The following STARD9 variants were observed in gnomAD, a reference collection of about 807,000 sequenced individuals.
STARD9 encodes StAR related lipid transfer domain containing 9.
STARD9 carries 346 observed loss-of-function variants against 399.8 expected under a neutral mutation model. The observed-to-expected ratio is 0.87, with a 90% CI of 0.79 to 0.95. The LOEUF is 0.95. Ranked by LOEUF, STARD9 falls within the 40% of genes least tolerant of loss-of-function variation. STARD9 has a pLI of 0.00. For missense variants in STARD9, 5,832 were observed against 5,667.5 expected (o/e 1.03, Z -0.93); for synonymous variants, 2,203 against 2,143.5 (o/e 1.03, Z -0.77).
At chr15:42,627,656 G>A (rs913406026) in intron 3 of STARD9, among the ~76,000 whole-genome samples, 52 of 152,084 alleles carry the variant, frequency 3.4e-4, no homozygotes, top group African/African-American at 1.2e-3. Context: ...ATGAGTTCAA[G>A]TGTTTTAATT....
At chr15:42,678,921 G>A (rs920419544) in intron 20 of STARD9, among the ~76,000 whole-genome samples, 3 of 152,230 alleles carry the variant, frequency 2.0e-5, no homozygotes, top group Non-Finnish European at 4.4e-5. Flanking sequence ...CCTCTTGGGT[G>A]AATGTGCTGC....
At chr15:42,645,418 A>G (rs988634439) in intron 7 of STARD9, among the ~76,000 whole-genome samples, 4 of 152,198 alleles carry the variant, frequency 2.6e-5, no homozygotes, top group Admixed American at 2.6e-4. Flanking sequence ...AATGAGCAGT[A>G]ATATTTTGAA....
intron 3 of STARD9, among the ~76,000 whole-genome samples, chr15:42,588,776 GTTTTTTTTTTTTTTTTTTTTTTTTT>G (rs758570571): frequency 7.8e-5 from 3 of 38,382 alleles, no homozygotes; most frequent in African/African-American, 3.6e-4. Context: ...TCTTCACAGC[GTTTTTTTTTTTTTTTTTTTTTTTTT>G]TTTTTTTTTT....
At chr15:42,603,680 T>C (rs2058674103) in intron 3 of STARD9, among the ~76,000 whole-genome samples, 1 of 151,954 alleles carries the variant, frequency 6.6e-6, no homozygotes, top group African/African-American at 2.4e-5. Flanking sequence ...GGCTAGGGAA[T>C]GGGGAATATT....
At chr15:42,717,879 C>T in intron 29 of STARD9, 84 bp downstream of exon 29, 1 of 1,500,206 alleles carries the variant, frequency 6.7e-7, no homozygotes, top group African/African-American at 1.4e-5. Context: ...TTTCCCTTAC[C>T]TGGATTCCTC....
intron 7 of STARD9, among the ~76,000 whole-genome samples, chr15:42,645,801 CA>C: frequency 6.6e-6 from 1 of 152,174 alleles, no homozygotes; most frequent in Middle Eastern, 3.4e-3. Flanking sequence ...CTTGGCCTCC[CA>C]AAGTTCTGGG....
In STARD9 at chr15:42,688,429, G is replaced by GCT; in HGVS notation, c.6852_6853insTC (p.Leu2286AlafsTer8). The GCT allele has an allele frequency of 6.5e-7, 1 of 1,537,696 alleles. No individual in the cohort carries two copies. ...GAAGAAATGCCTATGCAAAGGGGAG[G>GCT]CAGCCTTCAGGAAGAAAATAAAGTG... is the stretch of plus-strand genomic sequence containing the variant. On this transcript the variant is annotated frameshift_variant, in exon 23 of 33. Coordinates refer to ENST00000290607, the MANE Select transcript of STARD9 (RefSeq NM_020759.3). LOFTEE classifies it high-confidence loss of function.
rs1313939153 is a variant in STARD9 at position 42,686,598 on chromosome 15, C to T, written c.5020C>T (p.Pro1674Ser). Residue 1674 changes from proline to serine, a missense_variant, in exon 23 of 33, where the codon CCT becomes TCT. Physicochemically the swap from Pro to Ser is moderately conservative, Grantham distance 74. Around this residue, in one of 2 missense-constraint regions of STARD9, gnomAD observed 5,828 missense variants for 5,651.1 expected, o/e 1.03. Coordinates refer to ENST00000290607, the MANE Select transcript of STARD9 (RefSeq NM_020759.3). ...KADHWSQGWA[P>S]LRKNSAVQPG... Reference sequence around the variant, plus strand: ...AGACCATTGGTCCCAAGGCTGGGCTCCTCTCAGGAAAAATAGTGCAGTCCA... The same window carrying T: ...AGACCATTGGTCCCAAGGCTGGGCTTCTCTCAGGAAAAATAGTGCAGTCCA... 1 of 1,537,398 alleles carries T rather than the reference C, an allele frequency of 6.5e-7. No individual in the cohort carries two copies. The highest frequency in any genetic ancestry group is 8.7e-7 in the Non-Finnish European group (1 of 1,147,000).
chr15:42,636,989 G>A (rs1322224054), intron 4 of STARD9, among the ~76,000 whole-genome samples: 2 of 151,180 alleles, frequency 1.3e-5, no homozygotes, highest in African/African-American at 4.9e-5. Context: ...CCTTGAACTC[G>A]GGAGATGGAG....
At chr15:42,598,457 G>A (rs1275960112) in intron 3 of STARD9, among the ~76,000 whole-genome samples, 1 of 150,526 alleles carries the variant, frequency 6.6e-6, no homozygotes, top group Admixed American at 6.6e-5. Flanking sequence ...TTTTTTCCTG[G>A]CATGGTAATG....
In STARD9 at chr15:42,689,015, G is replaced by A; in HGVS notation, c.7437G>A (p.Leu2479=). 1.3e-6 allele frequency: 2 copies of A among 1,537,340 alleles called. No individual in the cohort carries two copies. Among genetic ancestry groups the A allele is most frequent in the Middle Eastern group, 3.3e-4 (2 of 5,992 alleles). Residue 2479 remains leucine (L), a synonymous_variant, in exon 23 of 33, where the codon CTG becomes CTA. Transcript: ENST00000290607. ...AVQKEIRVSS[L]NKVSSQPEKR... The stretch of plus-strand genomic sequence containing the variant: ...AAAAAGAAATAAGAGTCAGTTCACT[G>A]AACAAGGTCTCTAGCCAGCCTGAAA...
Position 42,686,714 on chromosome 15 carries a change from C to G in STARD9, c.5136C>G (p.His1712Gln). The G allele has an allele frequency of 6.5e-7, 1 of 1,537,710 alleles. No homozygotes were observed. The stretch of plus-strand genomic sequence containing the variant: ...GCTCTAAGGAAGCAGTTAGAAGACA[C>G]ATAAATGTTTCCTTTGCCCTTCCTT... ...QESSKEAVRR[H>Q]INVSFALPSG... Residue 1712 changes from histidine (H) to glutamine (Q), a missense_variant, in exon 23 of 33, where the codon CAC becomes CAG. By Grantham distance (24) the His-to-Gln change is conservative. This residue lies in a region of STARD9 where 5,828 missense variants were observed against 5,651.1 expected (regional missense o/e 1.03). Coordinates refer to ENST00000290607, the MANE Select transcript of STARD9 (RefSeq NM_020759.3).
chr15:42,580,696 C>G (rs2058149622), intron 1 of STARD9, among the ~76,000 whole-genome samples: 1 of 152,138 alleles, frequency 6.6e-6, no homozygotes, highest in African/African-American at 2.4e-5. Flanking sequence ...CCTGTAGTCC[C>G]AGCTACTCAG....
chr15:42,615,546 CAT>C (rs201049061), intron 3 of STARD9, among the ~76,000 whole-genome samples: 2,395 of 150,114 alleles, frequency 0.016, 58 homozygotes, highest in African/African-American at 0.054. Context: ...AAAAACATCC[CAT>C]ATATATATAT....
At chr15:42,629,959 A>G (rs2141894197) in intron 3 of STARD9, 1 of 149,108 alleles carries the variant, frequency 6.7e-6, no homozygotes, top group African/African-American at 2.5e-5. Flanking sequence ...TTGCATCCCT[A>G]GGATAAATTC....
chr15:42,643,828 A>G, intron 7 of STARD9, among the ~76,000 whole-genome samples: 1 of 152,126 alleles, frequency 6.6e-6, no homozygotes, highest in African/African-American at 2.4e-5. Flanking sequence ...CACCAGTTTT[A>G]ATGTGTAGTA....
chr15:42,588,447 G>T (rs1387346363), intron 3 of STARD9, among the ~76,000 whole-genome samples: 1 of 152,172 alleles, frequency 6.6e-6, no homozygotes, highest in Non-Finnish European at 1.5e-5. Flanking sequence ...AGATAAACCA[G>T]TGTCTCCTGA....
intron 10 of STARD9, among the ~76,000 whole-genome samples, chr15:42,661,680 C>G (rs940765182): frequency 2.0e-5 from 3 of 151,966 alleles, no homozygotes; most frequent in Non-Finnish European, 4.4e-5. Context: ...TGGCCTCGCA[C>G]TCCTGGCCTT....
rs2060685793 is a variant in STARD9 at position 42,691,132 on chromosome 15, A to G, written c.9554A>G (p.Asn3185Ser). Residue 3185 changes from asparagine (N) to serine (S), a missense_variant, in exon 23 of 33, where the codon AAT becomes AGT. Asn to Ser is a conservative substitution (Grantham distance 46). This residue lies in a region of STARD9 where 5,828 missense variants were observed against 5,651.1 expected (regional missense o/e 1.03). Transcript: ENST00000290607. ...TTTTCCACTGAGTTGAGGGATCACA[A>G]TCGCTTGGATTCCCAAGCCAAGTTT... The part of the protein sequence containing the change: ...PQFSTELRDH[N>S]RLDSQAKFVA... The G allele has an allele frequency of 2.6e-6, 4 of 1,537,252 alleles. No homozygotes were observed. Among genetic ancestry groups the G allele is most frequent in the Non-Finnish European group, 3.5e-6 (4 of 1,146,882 alleles).
Sources: gnomAD v4.1 joint callset for allele counts (sites outside exome capture counted in the v4.1 genomes callset) on GRCh38, gnomAD v4.1.1 for gene constraint, gnomAD v4.1.1 regional missense constraint, MANE v1.5 for transcripts, NCBI Gene and HGNC (gene_info 2026-07-23, HGNC 2026-07-21) for gene names.